PISD: variants seen among roughly 807,000 people sequenced by gnomAD.
The protein encoded by PISD is phosphatidylserine decarboxylase.
A neutral mutation model predicts 43.5 loss-of-function variants in PISD; 31 were observed. The observed-to-expected ratio is 0.71, with a 90% CI of 0.54 to 0.96. The LOEUF is 0.96. Among genes scored for constraint, PISD ranks in the 40% least tolerant of loss-of-function variants. PISD has a pLI of 0.00. For synonymous variants in PISD, 259 were observed against 228.7 expected, an observed-to-expected ratio of 1.13 and a Z score of -1.20; for missense variants, 523 against 548.4, an observed-to-expected ratio of 0.95 and a Z score of 0.46.
intron 3 of PISD, among the ~76,000 whole-genome samples, chr22:31,632,910 A>G (rs2073269511): frequency 6.6e-6 from 1 of 152,170 alleles, no homozygotes; most frequent in Non-Finnish European, 1.5e-5. Context: ...CAATCAGCCT[A>G]TGGTAAAACT....
At chr22:31,652,139 TTGTG>T (rs370054504) in intron 1 of PISD, among the ~76,000 whole-genome samples, 1 of 151,150 alleles carries the variant, frequency 6.6e-6, no homozygotes, top group African/African-American at 2.4e-5. Flanking sequence ...GTTATGTCTT[TTGTG>T]TGTGTGTGTG....
At chr22:31,620,509 G>A in intron 7 of PISD, 44 bp downstream of exon 7, 1 of 1,600,258 alleles carries the variant, frequency 6.2e-7, no homozygotes, top group Non-Finnish European at 8.6e-7. Context: ...GTAGACCCAA[G>A]AGGTCTGGCC....
intron 1 of PISD, among the ~76,000 whole-genome samples, chr22:31,652,594 G>A (rs2074058136): frequency 6.6e-6 from 1 of 151,294 alleles, no homozygotes; most frequent in African/African-American, 2.4e-5. Flanking sequence ...ATCACTTGAG[G>A]TCAGGAGTTC....
At chr22:31,651,709 T>C (rs1350016096) in intron 1 of PISD, among the ~76,000 whole-genome samples, 1 of 152,016 alleles carries the variant, frequency 6.6e-6, no homozygotes, top group African/African-American at 2.4e-5. Flanking sequence ...GATCGTGACA[T>C]TGCACTCCAC....
chr22:31,637,164 A>AATATATATAT (rs61010566), intron 3 of PISD, among the ~76,000 whole-genome samples: 18 of 13,570 alleles, frequency 1.3e-3, no homozygotes, highest in East Asian at 0.013. Context: ...AAAAAAAAAA[A>AATATATATAT]ATATATATAT....
intron 1 of PISD, among the ~76,000 whole-genome samples, chr22:31,661,644 T>C (rs2074319395): frequency 6.6e-6 from 1 of 152,124 alleles, no homozygotes. Context: ...TTTCTAAGAA[T>C]CTAACAGCTG....
intron 2 of PISD, 78 bp downstream of exon 2, chr22:31,650,621 A>C: frequency 1.3e-6 from 1 of 789,218 alleles, no homozygotes; most frequent in Non-Finnish European, 2.1e-6. Context: ...TCTAACAACA[A>C]CCCTATGTTT....
intron 1 of PISD, among the ~76,000 whole-genome samples, chr22:31,659,113 C>A (rs1485761496): frequency 6.6e-6 from 1 of 152,104 alleles, no homozygotes; most frequent in African/African-American, 2.4e-5. Context: ...CTTAGCCTCC[C>A]AAAATGCTGG....
chr22:31,643,479 C>T (rs552066404), intron 3 of PISD, among the ~76,000 whole-genome samples: 1 of 152,286 alleles, frequency 6.6e-6, no homozygotes, highest in East Asian at 1.9e-4. Flanking sequence ...CACATACCTA[C>T]AGTCCACTAC....
At chr22:31,655,218 T>G (rs1255472222) in intron 1 of PISD, among the ~76,000 whole-genome samples, 1 of 151,652 alleles carries the variant, frequency 6.6e-6, no homozygotes, top group African/African-American at 2.4e-5. Context: ...CCACTGAGAA[T>G]GCTGGAGTTT....
At chr22:31,627,338 G>A (rs2072963520) in intron 3 of PISD, among the ~76,000 whole-genome samples, 1 of 152,240 alleles carries the variant, frequency 6.6e-6, no homozygotes, top group Admixed American at 6.5e-5. Context: ...CCAGGAGATT[G>A]GCACAGGCAC....
In PISD at chr22:31,621,681, GCGGCTT is replaced by G. The variant is rs1266810591; in HGVS notation, c.520_525del (p.Lys174_Pro175del). The G allele has an allele frequency of 6.2e-7, 1 of 1,613,752 alleles. No homozygotes were observed. The highest frequency in any genetic ancestry group is 1.7e-5 in the Admixed American group (1 of 60,030). ...TGCAGGCCACAGACAGGCCGGGCCTGCGGCTTCAGCTTGCGCCGGAAGAACTCGCTG... is the reference window on the plus strand; with the variant it reads ...TGCAGGCCACAGACAGGCCGGGCCTGCAGCTTGCGCCGGAAGAACTCGCTG... On this transcript the variant is annotated inframe_deletion, in exon 4 of 8. Transcript: ENST00000439502.
chr22:31,642,737 G>A (rs371407713), intron 3 of PISD, among the ~76,000 whole-genome samples: 1 of 148,812 alleles, frequency 6.7e-6, no homozygotes, highest in African/African-American at 2.6e-5. Context: ...AGAGGTTGCA[G>A]TGAGCGAAGA....
chr22:31,653,716 C>A (rs2074094999), intron 1 of PISD, among the ~76,000 whole-genome samples: 1 of 152,242 alleles, frequency 6.6e-6, no homozygotes, highest in Non-Finnish European at 1.5e-5. Flanking sequence ...AGCATGGTGG[C>A]TCATGACTGT....
intron 3 of PISD, among the ~76,000 whole-genome samples, chr22:31,628,405 C>A (rs2073021425): frequency 6.6e-6 from 1 of 152,208 alleles, no homozygotes; most frequent in Non-Finnish European, 1.5e-5. Context: ...GAGGTGGGAG[C>A]CTCAGGCCCT....
chr22:31,652,739 C>T (rs940879433), intron 1 of PISD, among the ~76,000 whole-genome samples: 9 of 150,524 alleles, frequency 6.0e-5, no homozygotes, highest in African/African-American at 2.2e-4. Flanking sequence ...CAAAACAAAA[C>T]AAACACCCCC....
rs145139121 is a variant in PISD, at chr22:31,621,856, G to A, written c.351C>T (p.Arg117=). Residue 117 remains arginine, a synonymous_variant, in exon 4 of 8, where the codon CGC becomes CGT. Transcript: ENST00000439502. The part of the protein sequence containing the change: ...EVALYKSVPT[R]LLSRAWGRLN... ...GGCGACCCCAGGCCCGTGACAGCAA[G>A]CGCGTTGGCACTGACTTGTACAAAG... 7.5e-6 allele frequency: 12 copies of A among 1,610,454 alleles called. No individual in the cohort carries two copies. In the African/African-American group the frequency reaches 1.6e-4, roughly 21 times the overall value.
rs200559281 is a variant in PISD, at chr22:31,620,636, T to C, written c.922A>G (p.Thr308Ala). 1.2e-6 allele frequency: 2 copies of C among 1,614,152 alleles called. No individual in the cohort carries two copies. The highest frequency in any genetic ancestry group is 8.5e-7 in the Non-Finnish European group (1 of 1,180,010). ...AAGAAGCCATGTTTCCAGTCCCCCG[T>C]CAGGACCACCCGCTCGTTATGGCAG... is the stretch of plus-strand genomic sequence containing the variant. ...LFCHNERVVL[T>A]GDWKHGFFSL... is the part of the protein sequence containing the mutation. The change falls in exon 7 of 8, where the codon ACG (threonine) becomes GCG (alanine). Residue 308 changes from threonine to alanine, a missense_variant. Coordinates refer to ENST00000439502, the MANE Select transcript of PISD (RefSeq NM_001326411.2).
intron 3 of PISD, among the ~76,000 whole-genome samples, chr22:31,634,164 CAG>C (rs1399928452): frequency 6.6e-6 from 1 of 152,230 alleles, no homozygotes; most frequent in Non-Finnish European, 1.5e-5. Context: ...AGCTGCGGAA[CAG>C]GGGTAAAAGG....
Sources: gnomAD v4.1 joint callset for allele counts (sites outside exome capture counted in the v4.1 genomes callset) on GRCh38, gnomAD v4.1.1 for gene constraint, MANE v1.5 for transcripts, NCBI Gene and HGNC (gene_info 2026-07-23, HGNC 2026-07-21) for gene names.